PLCB1: variants seen among roughly 807,000 people sequenced by gnomAD.
The protein encoded by PLCB1 is 1-phosphatidylinositol 4,5-bisphosphate phosphodiesterase beta-1.
In PLCB1, 46 loss-of-function variants were observed where a neutral mutation model predicts 161.8. The ratio of observed to expected loss-of-function variants is 0.28; its 90% CI spans 0.22 to 0.36. The LOEUF (loss-of-function observed/expected upper bound fraction) is 0.36, where lower values mean the gene tolerates loss of function less well. PLCB1 is among the 10% of genes least tolerant of loss of function. The probability of loss-of-function intolerance (pLI) is 1.00; values close to 1 mark genes in which losing one functional copy is unlikely to be tolerated. For missense variants in PLCB1, 1,016 were observed against 1,472.5 expected, an observed-to-expected ratio of 0.69 and a Z score of 5.07; for synonymous variants, 517 against 503.7, an observed-to-expected ratio of 1.03 and a Z score of -0.35.
intron 3 of PLCB1, among the ~76,000 whole-genome samples, chr20:8,546,212 G>A (rs913334261): frequency 6.6e-6 from 1 of 150,712 alleles, no homozygotes; most frequent in African/African-American, 2.4e-5. Flanking sequence ...TATTTGGGAA[G>A]CTGAGGCAGG....
At chr20:8,711,541 T>TTG (rs1449793690) in intron 12 of PLCB1, among the ~76,000 whole-genome samples, 1 of 152,244 alleles carries the variant, frequency 6.6e-6, no homozygotes, top group Non-Finnish European at 1.5e-5. Flanking sequence ...GATGCCATGA[T>TTG]TGTGTCCCAA....
At chr20:8,362,349 T>C (rs763830323) in intron 2 of PLCB1, among the ~76,000 whole-genome samples, 30 of 152,210 alleles carry the variant, frequency 2.0e-4, no homozygotes, top group Non-Finnish European at 1.6e-4. Context: ...CTGTTTTTCA[T>C]TCATCATTTG....
chr20:8,506,166 G>A (rs985060396), intron 3 of PLCB1, among the ~76,000 whole-genome samples: 4 of 152,166 alleles, frequency 2.6e-5, no homozygotes, highest in African/African-American at 4.8e-5. Context: ...GCTTTCTTTG[G>A]TTTGCAAGAA....
intron 31 of PLCB1, among the ~76,000 whole-genome samples, chr20:8,810,393 A>G (rs1984756401): frequency 6.6e-6 from 1 of 152,082 alleles, no homozygotes; most frequent in African/African-American, 2.4e-5. Flanking sequence ...GTTATGATTT[A>G]TTTTACCATC....
chr20:8,388,607 A>G (rs1446145632), intron 3 of PLCB1, among the ~76,000 whole-genome samples: 4 of 152,060 alleles, frequency 2.6e-5, no homozygotes, highest in Admixed American at 1.3e-4. Context: ...CTTGGTTCCA[A>G]CTATTTCTTA....
intron 3 of PLCB1, among the ~76,000 whole-genome samples, chr20:8,395,461 G>A (rs1987742700): frequency 6.6e-6 from 1 of 151,904 alleles, no homozygotes; most frequent in Admixed American, 6.6e-5. Flanking sequence ...ATGTGGAATG[G>A]CTGAATAAGG....
At chr20:8,881,601 T>C (rs1987993394) in intron 31 of PLCB1, 21 bp from the exon 32 acceptor site, 1 of 1,579,158 alleles carries the variant, frequency 6.3e-7, no homozygotes. Flanking sequence ...TCAAGTCATC[T>C]CCCCTCTTGA....
At chr20:8,168,491 T>C (rs2051698037) in intron 2 of PLCB1, among the ~76,000 whole-genome samples, 1 of 152,106 alleles carries the variant, frequency 6.6e-6, no homozygotes, top group Admixed American at 6.5e-5. Flanking sequence ...TGGAGGTCCC[T>C]GATAGGTGTT....
intron 13 of PLCB1, 84 bp downstream of exon 13, chr20:8,716,432 A>G (rs1213530266): frequency 2.0e-6 from 2 of 985,300 alleles, no homozygotes; most frequent in Non-Finnish European, 3.2e-6. Flanking sequence ...TCCTTTTCAT[A>G]TTTATGTTTC....
At chr20:8,789,389 A>G (rs1215613389) in intron 29 of PLCB1, 129 bp from the exon 30 acceptor site, 2 of 692,208 alleles carry the variant, frequency 2.9e-6, no homozygotes, top group African/African-American at 3.6e-5. Flanking sequence ...CAATAAATAA[A>G]TAGATAAAAA....
intron 2 of PLCB1, among the ~76,000 whole-genome samples, chr20:8,236,482 A>G (rs1980333718): frequency 6.6e-6 from 1 of 152,038 alleles, no homozygotes; most frequent in Admixed American, 6.6e-5. Flanking sequence ...GCAGTAAACT[A>G]TAATCTCACA....
Position 8,881,719 on chromosome 20 carries a change from G to A in PLCB1, c.3521G>A (p.Ser1174Asn), listed in dbSNP as rs1987997801. ...FVQEAMKGKI[S>N]EDSNHGSAPL... ...CAGGAAGCCATGAAAGGAAAGATCA[G>A]TGAAGACAGCAATCACGGTTCTGCC... Residue 1174 changes from serine (S) to asparagine (N), a missense_variant, in exon 32 of 32, where the codon AGT (serine) becomes AAT (asparagine). Physicochemically the swap from Ser to Asn is conservative, Grantham distance 46. This residue lies in a region of PLCB1 where 398 missense variants were observed against 445.4 expected (regional missense o/e 0.89). Transcript: ENST00000338037. The A allele has an allele frequency of 3.1e-6, 5 of 1,613,926 alleles. No individual in the cohort carries two copies. Among genetic ancestry groups the A allele is most frequent in the Non-Finnish European group, 4.2e-6 (5 of 1,179,970 alleles).
At chr20:8,382,327 G>A (rs554834554) in intron 3 of PLCB1, among the ~76,000 whole-genome samples, 135 of 145,922 alleles carry the variant, frequency 9.3e-4, no homozygotes, top group African/African-American at 3.1e-3. Context: ...CTGTCGCCCA[G>A]GCTGAAGTGC....
At chr20:8,739,878 G>A (rs1012851521) in intron 21 of PLCB1, among the ~76,000 whole-genome samples, 16 of 152,292 alleles carry the variant, frequency 1.1e-4, no homozygotes, top group Admixed American at 4.6e-4. Flanking sequence ...AAGAAATCAC[G>A]TCAAGGCTGG....
At chr20:8,338,997 G>C (rs1985697838) in intron 2 of PLCB1, among the ~76,000 whole-genome samples, 2 of 152,144 alleles carry the variant, frequency 1.3e-5, no homozygotes, top group South Asian at 4.1e-4. Context: ...TTTTATTGCT[G>C]TGAAGTGTTT....
rs1406861556 is a variant in PLCB1, at chr20:8,882,194, A to G, written c.*345A>G. On this transcript the variant is annotated 3_prime_UTR_variant, in exon 32 of 32. Transcript: ENST00000338037. ...AAATCAAGCTCGTGTTTTTATTCGA[A>G]GCTCTGGTGTAAAATATTTCAAAGT... 2.9e-5 allele frequency: 7 copies of G among 239,732 alleles called. No homozygotes were observed. The Admixed American group carries it at 3.6e-4, about 12-fold the overall frequency. 14.9% of individuals were successfully genotyped at this position (239,732 alleles called of 1,614,324 possible).
At chr20:8,382,436 C>G (rs987423870) in intron 3 of PLCB1, among the ~76,000 whole-genome samples, 3 of 134,434 alleles carry the variant, frequency 2.2e-5, no homozygotes, top group Non-Finnish European at 3.2e-5. Context: ...GTGCCCACCA[C>G]CACACCTGGC....
intron 4 of PLCB1, among the ~76,000 whole-genome samples, chr20:8,630,169 C>T (rs1988541251): frequency 6.6e-6 from 1 of 150,778 alleles, no homozygotes; most frequent in Admixed American, 6.6e-5. Flanking sequence ...TCACTTCAAC[C>T]TCTGCCTCCT....
At chr20:8,196,277 A>G (rs2123116932) in intron 2 of PLCB1, among the ~76,000 whole-genome samples, 1 of 152,230 alleles carries the variant, frequency 6.6e-6, no homozygotes, top group Admixed American at 6.5e-5. Flanking sequence ...AGAAAATGAT[A>G]TTTTGAAATA....
Sources: allele counts gnomAD v4.1 joint callset (sites outside exome capture counted in the v4.1 genomes callset), GRCh38; gene constraint gnomAD v4.1.1; regional missense constraint gnomAD v4.1.1; transcripts MANE v1.5; gene names NCBI Gene and HGNC (gene_info 2026-07-23, HGNC 2026-07-21).